Variants in MAGI1 observed in about 807,000 individuals in gnomAD.
MAGI1 encodes membrane-associated guanylate kinase, WW and PDZ domain-containing protein 1.
Under a neutral mutation model 139.9 loss-of-function variants are expected in MAGI1, and 58 were observed. The observed-to-expected ratio is 0.41, with a 90% CI of 0.34 to 0.52. The LOEUF (loss-of-function observed/expected upper bound fraction) is 0.52, where lower values mean the gene tolerates loss of function less well. Ranked by LOEUF, MAGI1 falls within the 20% of genes least tolerant of loss-of-function variation. The probability of loss-of-function intolerance (pLI) is 0.12; values close to 1 mark genes in which losing one functional copy is unlikely to be tolerated. For synonymous variants in MAGI1, 812 were observed against 737.9 expected, an observed-to-expected ratio of 1.10 and a Z score of -1.63; for missense variants, 1,874 against 1,901.6, an observed-to-expected ratio of 0.99 and a Z score of 0.27.
chr3:65,900,281 A>T (rs904306493), intron 1 of MAGI1, among the ~76,000 whole-genome samples: 8 of 152,220 alleles, frequency 5.3e-5, no homozygotes, highest in African/African-American at 1.9e-4. Flanking sequence ...ATAAAAGGTA[A>T]AAGTCACAAC....
rs56135171 is a variant in MAGI1, at chr3:65,463,558, ATGTGTGTGTGTGTGTGTG to A, written c.959+6707_959+6724del. 1.6e-4 allele frequency among the ~76,000 whole-genome samples: 23 copies of A among 140,838 alleles called. No individual in the cohort carries two copies. In the South Asian group the frequency reaches 2.7e-3, roughly 17 times the overall value. The allele number at this position is 140,838 out of a possible 152,430, so 92.4% of individuals were successfully genotyped here. On this transcript the variant is annotated intron_variant, in intron 5 of 22. Coordinates refer to ENST00000402939, the MANE Select transcript of MAGI1 (RefSeq NM_001033057.2). Reference sequence around the variant, plus strand: ...TGTTCATCAGGGATATTGGCCTGAAATGTGTGTGTGTGTGTGTGTGTGTGTGTGTGTGTGTGTGTGTGT... The same window carrying A: ...TGTTCATCAGGGATATTGGCCTGAAATGTGTGTGTGTGTGTGTGTGTGTGT...
intron 1 of MAGI1, among the ~76,000 whole-genome samples, chr3:65,944,983 G>A (rs1475796850): frequency 1.3e-5 from 2 of 152,194 alleles, no homozygotes; most frequent in Non-Finnish European, 2.9e-5. Flanking sequence ...GATGGGGCAT[G>A]AAATAGAGGA....
At chr3:65,787,722 T>C (rs1467877586) in intron 1 of MAGI1, among the ~76,000 whole-genome samples, 2 of 151,896 alleles carry the variant, frequency 1.3e-5, no homozygotes, top group Non-Finnish European at 1.5e-5. Flanking sequence ...GGGTTGAACA[T>C]CTAATTAGCC....
chr3:66,009,392 C>T (rs1375355772), intron 1 of MAGI1, among the ~76,000 whole-genome samples: 1 of 152,102 alleles, frequency 6.6e-6, no homozygotes, highest in African/African-American at 2.4e-5. Flanking sequence ...TGCTTGTAAT[C>T]CCAGCTACCC....
intron 1 of MAGI1, among the ~76,000 whole-genome samples, chr3:65,832,567 T>TCC (rs761211601): frequency 3.4e-4 from 51 of 152,020 alleles, no homozygotes; most frequent in Non-Finnish European, 6.5e-4. Context: ...AGCTAGATGC[T>TCC]CCCTTCTCTG....
At chr3:65,813,272 G>C (rs1248920211) in intron 1 of MAGI1, among the ~76,000 whole-genome samples, 1 of 152,004 alleles carries the variant, frequency 6.6e-6, no homozygotes, top group African/African-American at 2.4e-5. Context: ...GATTGGGTGA[G>C]GCCTGTAACA....
chr3:65,779,926 A>G (rs1258648239), intron 1 of MAGI1, among the ~76,000 whole-genome samples: 1 of 152,110 alleles, frequency 6.6e-6, no homozygotes, highest in Non-Finnish European at 1.5e-5. Flanking sequence ...AAAGAAAAAA[A>G]AATGACACTT....
intron 2 of MAGI1, among the ~76,000 whole-genome samples, chr3:65,596,808 G>A (rs1250255159): frequency 1.3e-5 from 2 of 152,192 alleles, no homozygotes; most frequent in Admixed American, 1.3e-4. Flanking sequence ...CACTCAGCAA[G>A]CCAGACTCTG....
At chr3:65,393,646 A>T (rs913587570) in intron 13 of MAGI1, among the ~76,000 whole-genome samples, 2 of 152,210 alleles carry the variant, frequency 1.3e-5, no homozygotes, top group African/African-American at 4.8e-5. Context: ...TTACCCTGAG[A>T]GTGGCATGCC....
chr3:65,822,599 C>G (rs264121), intron 1 of MAGI1, among the ~76,000 whole-genome samples: 152,328 of 152,330 alleles, frequency 1, 76,163 homozygotes, highest in Non-Finnish European at 1. Context: ...AAAGAAAAGG[C>G]GTTTAACTGG....
intron 1 of MAGI1, among the ~76,000 whole-genome samples, chr3:65,885,158 G>C (rs562114820): frequency 2.0e-5 from 3 of 152,120 alleles, no homozygotes; most frequent in Non-Finnish European, 4.4e-5. Flanking sequence ...CAACAATTTG[G>C]GAGGCCGAGG....
chr3:65,498,119 A>G (rs1952579587), intron 2 of MAGI1, among the ~76,000 whole-genome samples: 2 of 152,120 alleles, frequency 1.3e-5, no homozygotes, highest in African/African-American at 4.8e-5. Flanking sequence ...CTGGCTGGAC[A>G]CACGCCTGGC....
chr3:65,666,824 A>G (rs567132736), intron 1 of MAGI1, among the ~76,000 whole-genome samples: 1 of 152,334 alleles, frequency 6.6e-6, no homozygotes, highest in East Asian at 1.9e-4. Context: ...TCACGGAGAC[A>G]GCTTTGGACT....
At chr3:65,447,956 G>C (rs1469209220) in intron 7 of MAGI1, 66 bp downstream of exon 7, 14 of 1,549,348 alleles carry the variant, frequency 9.0e-6, no homozygotes, top group African/African-American at 1.4e-5. Flanking sequence ...AATTCACTGG[G>C]GAAGAAAACC....
At chr3:65,691,302 CAA>C (rs752329892) in intron 1 of MAGI1, among the ~76,000 whole-genome samples, 6 of 74,692 alleles carry the variant, frequency 8.0e-5, no homozygotes, top group East Asian at 3.0e-4. Context: ...GACTCCGTCT[CAA>C]AAAAAAAAAA....
rs567987547 is a variant in MAGI1 at position 65,599,661 on chromosome 3, C to G, written c.430+22311G>C. Among the ~76,000 whole-genome samples the G allele has an allele frequency of 2.0e-5, 3 of 152,336 alleles. 1 individual carries two copies. In the South Asian group the frequency reaches 6.2e-4, roughly 32 times the overall value. On this transcript the variant is annotated intron_variant, in intron 2 of 22. Transcript: ENST00000402939. The stretch of plus-strand genomic sequence containing the variant: ...GTTCACCATACATAACAGGTGCTCA[C>G]TAAATGTCACCTATCACTACTGCTA...
At position 65,533,093 on chromosome 3, in the gene MAGI1, T is replaced by C. The variant is rs377016475; in HGVS notation, c.431-39462A>G. ...TGTAGCCCCGCACACTTAGAACAGC[T>C]CCTGGATTGCAAAAAGAATGCAATC... On this transcript the variant is annotated intron_variant, in intron 2 of 22. Coordinates refer to ENST00000402939, the MANE Select transcript of MAGI1 (RefSeq NM_001033057.2). Among the ~76,000 whole-genome samples, 8 of 152,292 alleles carry C rather than the reference T, an allele frequency of 5.3e-5. No individual in the cohort carries two copies. The East Asian group carries it at 1.5e-3, about 29-fold the overall frequency.
At chr3:65,808,960 G>T (rs1321419902) in intron 1 of MAGI1, among the ~76,000 whole-genome samples, 1 of 152,148 alleles carries the variant, frequency 6.6e-6, no homozygotes, top group Non-Finnish European at 1.5e-5. Flanking sequence ...AGGAAATAAG[G>T]GGAGATTTAC....
intron 1 of MAGI1, among the ~76,000 whole-genome samples, chr3:65,831,751 T>C (rs1353246474): frequency 1.3e-5 from 2 of 152,198 alleles, no homozygotes; most frequent in East Asian, 1.9e-4. Context: ...CTTGTGTGAA[T>C]GGAAGTTTTA....
Sources: allele counts gnomAD v4.1 joint callset (sites outside exome capture counted in the v4.1 genomes callset), GRCh38; gene constraint gnomAD v4.1.1; transcripts MANE v1.5; gene names NCBI Gene and HGNC (gene_info 2026-07-23, HGNC 2026-07-21).